Variants in RUBCN observed in about 807,000 individuals in gnomAD.
RUBCN encodes the protein rubicon autophagy regulator.
A neutral mutation model predicts 113.2 loss-of-function variants in RUBCN; 74 were observed. The observed-to-expected ratio is 0.65, with a 90% CI of 0.54 to 0.79. The LOEUF is 0.79. Among genes scored for constraint, RUBCN ranks in the 30% least tolerant of loss-of-function variants. RUBCN has a pLI of 0.00. For missense variants in RUBCN, 1,109 were observed against 1,251.7 expected, an observed-to-expected ratio of 0.89 and a Z score of 1.72; for synonymous variants, 480 against 490.0, an observed-to-expected ratio of 0.98 and a Z score of 0.27.
intron 1 of RUBCN, chr3:197,749,257 AGAG>A: frequency 9.6e-7 from 1 of 1,039,974 alleles, no homozygotes; most frequent in Non-Finnish European, 1.2e-6. Flanking sequence ...CTACATCAAC[AGAG>A]GTACTTACCC....
At chr3:197,676,016 T>C (rs1325698435) in intron 18 of RUBCN, among the ~76,000 whole-genome samples, 6 of 152,182 alleles carry the variant, frequency 3.9e-5, no homozygotes, top group African/African-American at 9.7e-5. Context: ...AAACTGGGCA[T>C]AGGCTAAGAC....
At chr3:197,739,419 C>T (rs555552219), upstream of RUBCN, among the ~76,000 whole-genome samples, 31 of 145,756 alleles carry the variant, frequency 2.1e-4, no homozygotes, top group Middle Eastern at 8.3e-3. Context: ...AAAGGCCGGG[C>T]GTGGTGGCTC....
chr3:197,686,473 G>GGGGCCAT (rs1721859543), intron 11 of RUBCN, among the ~76,000 whole-genome samples: 1 of 152,196 alleles, frequency 6.6e-6, no homozygotes, highest in African/African-American at 2.4e-5. Flanking sequence ...ACTCGTCAAA[G>GGGGCCAT]GGGCCATGAC....
intron 11 of RUBCN, chr3:197,691,130 TTAGATCCTTCGC>T (rs1391556763): frequency 1.6e-6 from 2 of 1,288,246 alleles, no homozygotes; most frequent in African/African-American, 3.0e-5. Flanking sequence ...GTGAGTCAGG[TTAGATCCTTCGC>T]TACCATCTGT....
chr3:197,700,529 C>T, intron 7 of RUBCN, 84 bp downstream of exon 7: 1 of 1,343,108 alleles, frequency 7.4e-7, no homozygotes, highest in Admixed American at 1.7e-5. Flanking sequence ...CTCTTTCTGC[C>T]ACCTGAAAAG....
At chr3:197,692,776 G>A (rs543109813) in intron 11 of RUBCN, among the ~76,000 whole-genome samples, 16 of 152,270 alleles carry the variant, frequency 1.1e-4, no homozygotes, top group Admixed American at 9.2e-4. Flanking sequence ...GTGAAAAAAC[G>A]GAGTTTCTGA....
At chr3:197,728,721 G>A (rs1209215740) in intron 1 of RUBCN, among the ~76,000 whole-genome samples, 1 of 152,184 alleles carries the variant, frequency 6.6e-6, no homozygotes, top group African/African-American at 2.4e-5. Flanking sequence ...CCATCTGTCA[G>A]AGAATTCAGA....
intron 2 of RUBCN, among the ~76,000 whole-genome samples, chr3:197,710,598 CAA>C (rs374376643): frequency 2.4e-4 from 23 of 94,246 alleles, no homozygotes; most frequent in Admixed American, 2.4e-4. Flanking sequence ...AACTCCATCT[CAA>C]AAAAAAAAAA....
At chr3:197,733,202 G>C (rs546366766) in intron 1 of RUBCN, among the ~76,000 whole-genome samples, 63 of 152,348 alleles carry the variant, frequency 4.1e-4, no homozygotes, top group African/African-American at 1.4e-3. Context: ...GCTGGGCACA[G>C]TGGCTCATGC....
intron 1 of RUBCN, among the ~76,000 whole-genome samples, chr3:197,724,093 G>A (rs927013840): frequency 6.6e-5 from 10 of 152,098 alleles, no homozygotes; most frequent in Admixed American, 5.2e-4. Context: ...AACTCACAAC[G>A]AAGCCAATCT....
intron 11 of RUBCN, 96 bp from the exon 12 acceptor site, chr3:197,684,313 G>A: frequency 1.1e-6 from 1 of 915,470 alleles, no homozygotes. Flanking sequence ...AAGCTCTCAG[G>A]GTAACAGCCA....
At chr3:197,735,948 TG>T (rs1728077087) in intron 1 of RUBCN, among the ~76,000 whole-genome samples, 1 of 152,174 alleles carries the variant, frequency 6.6e-6, no homozygotes, top group Non-Finnish European at 1.5e-5. Flanking sequence ...CTTTCTGACA[TG>T]GTTCCATATA....
Position 197,697,467 on chromosome 3 carries a change from T to A in RUBCN, c.1262-418A>T, listed in dbSNP as rs1055379814. On this transcript the variant is annotated intron_variant, in intron 7 of 19. Transcript: ENST00000296343. ...ACTTTTCTGACATCTTGACATTAGG[T>A]TTTAAAGTAACATCAGAAGATTTAC... 2.0e-5 allele frequency among the ~76,000 whole-genome samples: 3 copies of A among 152,134 alleles called. No individual in the cohort carries two copies. The South Asian group carries it at 6.2e-4, about 31-fold the overall frequency.
chr3:197,692,177 C>T (rs1220868551), intron 11 of RUBCN, among the ~76,000 whole-genome samples: 1 of 151,940 alleles, frequency 6.6e-6, no homozygotes, highest in Non-Finnish European at 1.5e-5. Flanking sequence ...ATGACTTAAT[C>T]GATGGTGCCT....
intron 1 of RUBCN, among the ~76,000 whole-genome samples, chr3:197,720,463 A>G (rs765912968): frequency 5.3e-5 from 8 of 151,860 alleles, no homozygotes; most frequent in Non-Finnish European, 8.8e-5. Flanking sequence ...GCTGGAGTGC[A>G]GTGGCATAAT....
chr3:197,741,764 A>C (rs1442318675), upstream of RUBCN, among the ~76,000 whole-genome samples: 1 of 151,818 alleles, frequency 6.6e-6, no homozygotes, highest in Non-Finnish European at 1.5e-5. Context: ...TGGACATTGC[A>C]GTGAGCTGAG....
At chr3:197,726,930 T>C (rs753743487) in intron 1 of RUBCN, among the ~76,000 whole-genome samples, 2 of 149,758 alleles carry the variant, frequency 1.3e-5, no homozygotes, top group African/African-American at 2.5e-5. Context: ...ACAAACTAGA[T>C]GCACATTCTA....
chr3:197,737,061 C>T, upstream of RUBCN: 1 of 590,920 alleles, frequency 1.7e-6, no homozygotes, highest in Non-Finnish European at 2.3e-6. Flanking sequence ...TCCCAGGCCG[C>T]TCCCGCAGGC....
intron 5 of RUBCN, among the ~76,000 whole-genome samples, chr3:197,703,347 G>A (rs945748067): frequency 1.3e-4 from 16 of 124,968 alleles, no homozygotes; most frequent in Non-Finnish European, 2.2e-4. Context: ...GCAGTGAGCT[G>A]AGATTGCACC....
Sources: allele counts gnomAD v4.1 joint callset (sites outside exome capture counted in the v4.1 genomes callset), GRCh38; gene constraint gnomAD v4.1.1; transcripts MANE v1.5; gene names NCBI Gene and HGNC (gene_info 2026-07-23, HGNC 2026-07-21).